Variants in GALNT14 observed in about 807,000 individuals in gnomAD.
GALNT14 encodes polypeptide N-acetylgalactosaminyltransferase 14.
In GALNT14, 60 loss-of-function variants were observed where a neutral mutation model predicts 77.5. The ratio of observed to expected loss-of-function variants is 0.77; its 90% confidence interval spans 0.63 to 0.96. The LOEUF (loss-of-function observed/expected upper bound fraction) is 0.96, where lower values mean the gene tolerates loss of function less well. GALNT14 is among the 40% of genes least tolerant of loss of function. The probability of loss-of-function intolerance (pLI) is 0.00; values close to 1 mark genes in which losing one functional copy is unlikely to be tolerated. For synonymous variants in GALNT14, 280 were observed against 281.7 expected, an observed-to-expected ratio of 0.99 and a Z score of 0.06; for missense variants, 710 against 731.0, an observed-to-expected ratio of 0.97 and a Z score of 0.33.
the GALNT14 span, among the ~76,000 whole-genome samples, chr2:30,894,221 G>A: frequency 1.8e-4 from 27 of 152,168 alleles, no homozygotes; most frequent in Admixed American, 1.7e-3. Context: ...GTTACAGGCA[G>A]GGTCTGAAGA....
chr2:30,951,058 C>T (rs534656359), intron 6 of GALNT14, among the ~76,000 whole-genome samples: 2 of 152,322 alleles, frequency 1.3e-5, no homozygotes, highest in African/African-American at 4.8e-5. Flanking sequence ...CAGCAATTCA[C>T]ATATACACCC....
chr2:31,010,427 A>G (rs564281008), intron 1 of GALNT14, among the ~76,000 whole-genome samples: 11 of 152,216 alleles, frequency 7.2e-5, no homozygotes, highest in Non-Finnish European at 1.5e-4. Flanking sequence ...GTAAAACCCC[A>G]TCTCTACTAA....
At chr2:30,958,887 C>T (rs181500922) in intron 3 of GALNT14, among the ~76,000 whole-genome samples, 23 of 152,326 alleles carry the variant, frequency 1.5e-4, no homozygotes, top group Non-Finnish European at 2.6e-4. Context: ...GTCTCCAGAG[C>T]GAACTTTCTG....
rs112436979 is a variant in GALNT14, at chr2:31,101,187, T to C, written c.129+36771A>G. Among the ~76,000 whole-genome samples, 651 of 152,194 alleles carry C rather than the reference T, an allele frequency of 4.3e-3. 2 individuals are homozygous for C. Among genetic ancestry groups the C allele is most frequent in the African/African-American group, 0.015 (613 of 41,552 alleles). On this transcript the variant is annotated intron_variant, in intron 1 of 14. Transcript: ENST00000349752. Reference sequence around the variant, plus strand: ...CTCTTTTCAGTATCTATGAAGATAATATCTTTTTTCTCTTAATGTTCACTA... The same window carrying C: ...CTCTTTTCAGTATCTATGAAGATAACATCTTTTTTCTCTTAATGTTCACTA...
intron 1 of GALNT14, among the ~76,000 whole-genome samples, chr2:31,127,988 G>T (rs1678778731): frequency 1.3e-5 from 2 of 152,118 alleles, no homozygotes; most frequent in Non-Finnish European, 2.9e-5. Context: ...AAAAAGTCAT[G>T]TTTCTGCTTG....
intron 9 of GALNT14, among the ~76,000 whole-genome samples, chr2:30,932,633 A>T (rs987460884): frequency 6.6e-6 from 1 of 152,182 alleles, no homozygotes; most frequent in Non-Finnish European, 1.5e-5. Context: ...TTCAATCGAG[A>T]ATACGGGAGA....
At chr2:31,126,211 T>C (rs553874181) in intron 1 of GALNT14, among the ~76,000 whole-genome samples, 26 of 152,202 alleles carry the variant, frequency 1.7e-4, no homozygotes, top group Non-Finnish European at 3.2e-4. Context: ...ATTTCTGATC[T>C]AAACTGTTCA....
At chr2:31,118,202 A>G (rs1678210867) in intron 1 of GALNT14, among the ~76,000 whole-genome samples, 1 of 152,250 alleles carries the variant, frequency 6.6e-6, no homozygotes, top group South Asian at 2.1e-4. Flanking sequence ...TGAGTTTTAT[A>G]TGATCATTAA....
intron 2 of GALNT14, among the ~76,000 whole-genome samples, chr2:30,985,407 CTG>C: frequency 6.6e-6 from 1 of 152,116 alleles, no homozygotes; most frequent in Non-Finnish European, 1.5e-5. Flanking sequence ...GAGATCAAGA[CTG>C]GGGAGGAATC....
At chr2:31,133,306 A>T (rs1679073539) in intron 1 of GALNT14, among the ~76,000 whole-genome samples, 1 of 152,238 alleles carries the variant, frequency 6.6e-6, no homozygotes, top group Non-Finnish European at 1.5e-5. Flanking sequence ...ACAGAGTCCA[A>T]TATGCACATA....
In GALNT14 at chr2:31,016,129, G is replaced by C. The variant is rs972039161; in HGVS notation, c.130-23122C>G. On this transcript the variant is annotated intron_variant, in intron 1 of 14. Coordinates refer to ENST00000349752, the MANE Select transcript of GALNT14 (RefSeq NM_024572.4). ...AACAACAGAAGTTTATTTTCTCACAGCTCTGGACGCTGGCAGTCCAAGATC... is the reference window on the plus strand; with the variant it reads ...AACAACAGAAGTTTATTTTCTCACACCTCTGGACGCTGGCAGTCCAAGATC... Among the ~76,000 whole-genome samples the C allele has an allele frequency of 1.2e-4, 18 of 152,170 alleles. 1 individual carries two copies. Among genetic ancestry groups the C allele is most frequent in the Non-Finnish European group, 2.6e-4 (18 of 68,036 alleles).
chr2:30,957,032 G>A (rs72855206), intron 4 of GALNT14, among the ~76,000 whole-genome samples: 4,069 of 152,122 alleles, frequency 0.027, 67 homozygotes, highest in East Asian at 0.055. Context: ...TTACTCCCTG[G>A]CTTGCCTGCT....
intron 6 of GALNT14, among the ~76,000 whole-genome samples, chr2:30,953,929 T>C (rs1390457563): frequency 6.6e-6 from 1 of 152,184 alleles, no homozygotes; most frequent in East Asian, 1.9e-4. Context: ...ACCTACTCTA[T>C]GACAGGCAGG....
chr2:30,947,881 T>C (rs915269525), intron 6 of GALNT14, among the ~76,000 whole-genome samples: 2 of 152,202 alleles, frequency 1.3e-5, no homozygotes, highest in Non-Finnish European at 2.9e-5. Flanking sequence ...TGAAAACCAA[T>C]TGGCCCACAT....
intron 14 of GALNT14, 78 bp from the exon 15 acceptor site, chr2:30,911,137 G>A (rs1664335315): frequency 2.2e-6 from 3 of 1,387,742 alleles, no homozygotes; most frequent in South Asian, 1.3e-5. Context: ...AGAAAGGTAG[G>A]TGCCTCATGT....
At chr2:31,078,941 G>A (rs538460836) in intron 1 of GALNT14, 18 of 1,289,306 alleles carry the variant, frequency 1.4e-5, no homozygotes, top group South Asian at 4.9e-5. Context: ...CACTGGACAC[G>A]ACTCATCTTG....
intron 1 of GALNT14, among the ~76,000 whole-genome samples, chr2:31,083,781 T>C (rs1297957316): frequency 1.3e-5 from 2 of 152,192 alleles, no homozygotes; most frequent in Non-Finnish European, 2.9e-5. Flanking sequence ...TGCCCTGTGC[T>C]AGGCAGCCCA....
chr2:30,898,365 C>G, the GALNT14 span, among the ~76,000 whole-genome samples: 1 of 152,356 alleles, frequency 6.6e-6, no homozygotes, highest in East Asian at 1.9e-4. Flanking sequence ...ACCCTGCCCT[C>G]CGCTCTGGGA....
chr2:31,064,873 T>C (rs1674836626), intron 1 of GALNT14, among the ~76,000 whole-genome samples: 3 of 151,904 alleles, frequency 2.0e-5, no homozygotes. Flanking sequence ...AACTTTCCCA[T>C]TGTCTGTATT....
Sources: allele counts gnomAD v4.1 joint callset (sites outside exome capture counted in the v4.1 genomes callset), GRCh38; gene constraint gnomAD v4.1.1; transcripts MANE v1.5; gene names NCBI Gene and HGNC (gene_info 2026-07-23, HGNC 2026-07-21).